The following TNKS2 variants were observed in gnomAD, a reference collection of about 807,000 sequenced individuals.
TNKS2 encodes tankyrase 2.
TNKS2 carries 72 observed loss-of-function variants against 137.6 expected under a neutral mutation model. The ratio of observed to expected loss-of-function variants is 0.52; its 90% confidence interval spans 0.43 to 0.64. The LOEUF is 0.64. TNKS2 is among the 30% of genes least tolerant of loss of function. The pLI, the probability that TNKS2 is intolerant of heterozygous loss-of-function variation, is 0.00. For missense variants in TNKS2, 1,049 were observed against 1,410.2 expected, an observed-to-expected ratio of 0.74 and a Z score of 4.10; for synonymous variants, 516 against 512.1, an observed-to-expected ratio of 1.01 and a Z score of -0.10.
intron 1 of TNKS2, among the ~76,000 whole-genome samples, chr10:91,806,061 T>A (rs929492952): frequency 6.6e-4 from 86 of 131,256 alleles, no homozygotes; most frequent in East Asian, 4.4e-3. Context: ...TTTTTTTTTT[T>A]TATATTTTAT....
chr10:91,857,336 T>C (rs1017076936), intron 23 of TNKS2, 89 bp from the exon 24 acceptor site: 12 of 741,018 alleles, frequency 1.6e-5, no homozygotes, highest in South Asian at 5.4e-5. Context: ...GCCTACCTTC[T>C]AGCTAAATGT....
intron 6 of TNKS2, 126 bp downstream of exon 6, chr10:91,820,159 A>T (rs1023257109): frequency 7.5e-5 from 43 of 574,068 alleles, no homozygotes; most frequent in Non-Finnish European, 9.9e-5. Flanking sequence ...TTTACAATGT[A>T]CAGGTTGCTC....
chr10:91,798,984 C>T (rs898789349), intron 1 of TNKS2, 95 bp downstream of exon 1: 37 of 1,260,388 alleles, frequency 2.9e-5, no homozygotes, highest in African/African-American at 6.2e-5. Context: ...GCCTCCCGAC[C>T]TTTCTCCAGG....
chr10:91,859,390 A>T, intron 24 of TNKS2, 72 bp from the exon 25 acceptor site: 1 of 1,260,526 alleles, frequency 7.9e-7, no homozygotes, highest in Non-Finnish European at 1.1e-6. Context: ...TTCAGTTTCT[A>T]AGAAACTAGT....
At chr10:91,842,771 T>TA (rs34353819) in intron 16 of TNKS2, among the ~76,000 whole-genome samples, 49,264 of 151,346 alleles carry the variant, frequency 0.33, 8,546 homozygotes, top group South Asian at 0.53. Flanking sequence ...TCTCAAAAAA[T>TA]AAAAAAAATA....
chr10:91,807,547 T>C lies in TNKS2; in HGVS notation c.200-5436T>C. 3.0e-6 allele frequency: 3 copies of C among 1,001,054 alleles called. No individual in the cohort carries two copies. The South Asian group carries it at 4.0e-5, about 13-fold the overall frequency. 62.0% of individuals were successfully genotyped at this position (1,001,054 alleles called of 1,614,324 possible). A position where few individuals can be genotyped will look rare whatever the true frequency, so the allele number is the denominator to read the frequency against. Reference sequence around the variant, plus strand: ...CGACGCGAGTCCTGCAATGCCATTCTTTCTTAGCTTTACTTCTCAGACTCC... The same window carrying C: ...CGACGCGAGTCCTGCAATGCCATTCCTTCTTAGCTTTACTTCTCAGACTCC... On this transcript the variant is annotated intron_variant, in intron 1 of 26. Transcript: ENST00000371627.
chr10:91,817,268 A>G, intron 3 of TNKS2, 39 bp downstream of exon 3: 1 of 1,503,148 alleles, frequency 6.7e-7, no homozygotes, highest in East Asian at 2.3e-5. Flanking sequence ...GAAGCCTGTA[A>G]AGAACAACCT....
chr10:91,798,913 G>C, intron 1 of TNKS2, 24 bp downstream of exon 1: 1 of 1,373,482 alleles, frequency 7.3e-7, no homozygotes, highest in South Asian at 1.7e-5. Flanking sequence ...GCGTCCCCTC[G>C]CCTCGCTCCA....
intron 18 of TNKS2, among the ~76,000 whole-genome samples, chr10:91,847,071 A>G (rs1842396029): frequency 1.3e-5 from 2 of 150,538 alleles, no homozygotes; most frequent in South Asian, 4.3e-4. Flanking sequence ...TAATTTACTT[A>G]AAGTCTTTGG....
intron 26 of TNKS2, among the ~76,000 whole-genome samples, 156 bp downstream of exon 26, chr10:91,862,311 TAA>T (rs1320650639): frequency 6.6e-6 from 1 of 152,218 alleles, no homozygotes; most frequent in Non-Finnish European, 1.5e-5. Context: ...ACAAAAATAG[TAA>T]AGAGAATTTT....
At chr10:91,813,641 G>A (rs143058601) in intron 2 of TNKS2, among the ~76,000 whole-genome samples, 1 of 152,176 alleles carries the variant, frequency 6.6e-6, no homozygotes, top group African/African-American at 2.4e-5. Flanking sequence ...TTAAATACCA[G>A]GTTAAGGAGC....
At chr10:91,800,421 A>C (rs571973075) in intron 1 of TNKS2, among the ~76,000 whole-genome samples, 25 of 152,200 alleles carry the variant, frequency 1.6e-4, no homozygotes, top group Non-Finnish European at 3.4e-4. Context: ...CTTAGTTGCT[A>C]CCTTTCAAGA....
In TNKS2 at chr10:91,845,899, C is replaced by T; in HGVS notation, c.2317C>T (p.Leu773Phe). 1 of 1,586,176 alleles carries T rather than the reference C, an allele frequency of 6.3e-7. No homozygotes were observed. The stretch of plus-strand genomic sequence containing the variant: ...GCTAGCCCATGGAGCTGACCCGACT[C>T]TTAAAAATCAGGAAGGACAAACACC... The part of the protein sequence containing the change: ...LLLAHGADPT[L>F]KNQEGQTPLD... Residue 773 changes from leucine (L) to phenylalanine (F), a missense_variant, in exon 18 of 27, where the codon CTT becomes TTT. By Grantham distance (22) the Leu-to-Phe change is conservative. Transcript: ENST00000371627.
At chr10:91,808,397 T>A (rs1415010368) in intron 1 of TNKS2, among the ~76,000 whole-genome samples, 2 of 152,032 alleles carry the variant, frequency 1.3e-5, no homozygotes, top group African/African-American at 4.8e-5. Flanking sequence ...GAGAAGAAGT[T>A]GAGGGCCAGT....
intron 18 of TNKS2, among the ~76,000 whole-genome samples, chr10:91,847,292 C>CA (rs1370489104): frequency 2.0e-5 from 3 of 152,078 alleles, no homozygotes; most frequent in Non-Finnish European, 4.4e-5. Context: ...GTACATATTA[C>CA]AAATTAAACA....
At chr10:91,841,952 A>G (rs1374831165) in intron 15 of TNKS2, among the ~76,000 whole-genome samples, 3 of 93,292 alleles carry the variant, frequency 3.2e-5, no homozygotes, top group African/African-American at 1.1e-4. Context: ...AATTTTGACT[A>G]CATTAATGCA....
chr10:91,855,754 C>A, intron 23 of TNKS2, 66 bp downstream of exon 23: 1 of 1,203,520 alleles, frequency 8.3e-7, no homozygotes, highest in Non-Finnish European at 1.2e-6. Context: ...CCATAAGTAA[C>A]TTTCATAAGA....
In TNKS2 at chr10:91,798,890, G is replaced by A; in HGVS notation, c.199+1G>A. The A allele has an allele frequency of 1.4e-6, 2 of 1,379,672 alleles. No homozygotes were observed. The highest frequency in any genetic ancestry group is 1.9e-6 in the Non-Finnish European group (2 of 1,058,104). The allele number at this position is 1,379,672 out of a possible 1,614,324, so 85.5% of individuals were successfully genotyped here. On this transcript the variant is annotated splice_donor_variant, in intron 1 of 26. Coordinates refer to ENST00000371627, the MANE Select transcript of TNKS2 (RefSeq NM_025235.4). LOFTEE classifies it high-confidence loss of function. The stretch of plus-strand genomic sequence containing the variant: ...TCCACCCCGCTGCACTTCGCCGCAG[G>A]TAACCGGGGCCAGCGTCCCCTCGCC...
intron 1 of TNKS2, among the ~76,000 whole-genome samples, chr10:91,803,009 G>A (rs181178109): frequency 1.4e-4 from 21 of 152,316 alleles, no homozygotes; most frequent in Admixed American, 7.2e-4. Flanking sequence ...AATAACAAGA[G>A]TTTGGAGTAC....
Sources: allele counts gnomAD v4.1 joint callset (sites outside exome capture counted in the v4.1 genomes callset), GRCh38; gene constraint gnomAD v4.1.1; transcripts MANE v1.5; gene names NCBI Gene and HGNC (gene_info 2026-07-23, HGNC 2026-07-21).